The following SBF2 variants were observed in gnomAD, a reference collection of about 807,000 sequenced individuals.
The protein encoded by SBF2 is myotubularin-related protein 13.
SBF2 carries 112 observed loss-of-function variants against 225.2 expected under a neutral mutation model. That is an observed-to-expected ratio of 0.50 (90% confidence interval 0.43 to 0.58). The LOEUF (loss-of-function observed/expected upper bound fraction) is 0.58, where lower values mean the gene tolerates loss of function less well. Among genes scored for constraint, SBF2 ranks in the 20% least tolerant of loss-of-function variants. The pLI is 0.00. For missense variants in SBF2, 1,996 were observed against 2,206.2 expected, an observed-to-expected ratio of 0.90 and a Z score of 1.91; for synonymous variants, 763 against 773.3, an observed-to-expected ratio of 0.99 and a Z score of 0.22.
At chr11:9,845,443 TG>T in intron 24 of SBF2, 121 bp downstream of exon 24, 1 of 932,174 alleles carries the variant, frequency 1.1e-6, no homozygotes, top group Admixed American at 2.0e-5. Context: ...CCCATGGGCT[TG>T]ACAGAAACAG....
intron 2 of SBF2, among the ~76,000 whole-genome samples, chr11:10,050,679 G>A (rs1163338762): frequency 6.6e-6 from 1 of 152,084 alleles, no homozygotes; most frequent in East Asian, 1.9e-4. Context: ...TAAACATTGT[G>A]ACATAGCTAT....
intron 1 of SBF2, among the ~76,000 whole-genome samples, chr11:10,210,688 G>A (rs1957907697): frequency 1.3e-5 from 2 of 152,094 alleles, no homozygotes; most frequent in South Asian, 4.1e-4. Context: ...AACCATGGGT[G>A]TGGGGTTGTG....
intron 18 of SBF2, among the ~76,000 whole-genome samples, 195 bp from the exon 19 acceptor site, chr11:9,856,915 G>A (rs1453664171): frequency 2.6e-5 from 4 of 151,284 alleles, no homozygotes; most frequent in African/African-American, 9.7e-5. Context: ...AGCCTCCCGA[G>A]TAGCTGGGAC....
chr11:9,872,289 G>A (rs949425171), intron 17 of SBF2, among the ~76,000 whole-genome samples: 1 of 152,186 alleles, frequency 6.6e-6, no homozygotes. Context: ...GGACACATAG[G>A]GAAGAACAAC....
At chr11:10,210,679 A>T (rs1288140468) in intron 1 of SBF2, among the ~76,000 whole-genome samples, 1 of 152,012 alleles carries the variant, frequency 6.6e-6, no homozygotes, top group African/African-American at 2.4e-5. Flanking sequence ...CAGGAATAAA[A>T]CCATGGGTGT....
chr11:9,830,749 A>C (rs922452463), intron 27 of SBF2, among the ~76,000 whole-genome samples: 11 of 151,484 alleles, frequency 7.3e-5, no homozygotes, highest in Non-Finnish European at 4.4e-5. Context: ...CAAAAACAAA[A>C]AAAAAAAAAC....
chr11:10,082,571 A>G (rs2134873189), intron 2 of SBF2, among the ~76,000 whole-genome samples: 1 of 152,310 alleles, frequency 6.6e-6, no homozygotes, highest in South Asian at 2.1e-4. Flanking sequence ...GGATGCAAAA[A>G]TGGCTCAATA....
intron 16 of SBF2, among the ~76,000 whole-genome samples, chr11:9,904,524 C>T (rs1861971289): frequency 6.6e-6 from 1 of 152,116 alleles, no homozygotes; most frequent in Non-Finnish European, 1.5e-5. Flanking sequence ...TAATATACCT[C>T]TCTCAGTAAC....
At chr11:10,299,155 G>A (rs1446279944), upstream of SBF2, among the ~76,000 whole-genome samples, 1 of 151,964 alleles carries the variant, frequency 6.6e-6, no homozygotes, top group African/African-American at 2.4e-5. Flanking sequence ...TGGCTAACAC[G>A]GTGAAACCCT....
intron 1 of SBF2, among the ~76,000 whole-genome samples, chr11:10,207,924 A>T (rs1957800306): frequency 6.6e-6 from 1 of 152,166 alleles, no homozygotes; most frequent in Non-Finnish European, 1.5e-5. Context: ...ACAAGGGCCT[A>T]TTAAAACACC....
At chr11:10,019,979 T>C (rs796783120) in intron 6 of SBF2, among the ~76,000 whole-genome samples, 8 of 152,276 alleles carry the variant, frequency 5.3e-5, no homozygotes, top group African/African-American at 1.9e-4. Context: ...AATGTTCTTA[T>C]TGTTATAGTA....
At chr11:10,227,974 G>C (rs542747879) in intron 1 of SBF2, among the ~76,000 whole-genome samples, 8 of 151,258 alleles carry the variant, frequency 5.3e-5, no homozygotes, top group Non-Finnish European at 8.8e-5. Context: ...TCTTCCATTT[G>C]TTTGTATCCT....
intron 1 of SBF2, 85 bp downstream of exon 1, chr11:10,293,930 T>TACGCCCGG: frequency 9.6e-7 from 1 of 1,037,332 alleles, no homozygotes; most frequent in Non-Finnish European, 1.2e-6. Context: ...CCGACGCCCG[T>TACGCCCGG]CCCCGACGCC....
chr11:10,268,551 A>G (rs945373139), intron 1 of SBF2, among the ~76,000 whole-genome samples: 2 of 152,194 alleles, frequency 1.3e-5, no homozygotes, highest in African/African-American at 2.4e-5. Context: ...AACAACACAA[A>G]TTCTTTCTCC....
At chr11:9,852,473 T>C (rs1438748165) in intron 21 of SBF2, among the ~76,000 whole-genome samples, 1 of 152,226 alleles carries the variant, frequency 6.6e-6, no homozygotes, top group Non-Finnish European at 1.5e-5. Context: ...CTTTGTTGAA[T>C]CTAAGAAAAG....
At chr11:10,058,303 T>C (rs1253977629) in intron 2 of SBF2, among the ~76,000 whole-genome samples, 1 of 152,040 alleles carries the variant, frequency 6.6e-6, no homozygotes, top group Non-Finnish European at 1.5e-5. Flanking sequence ...ACAAAATAGC[T>C]AGTATGAAAA....
At chr11:9,871,243 T>C (rs916978535) in intron 17 of SBF2, among the ~76,000 whole-genome samples, 6 of 151,712 alleles carry the variant, frequency 4.0e-5, no homozygotes, top group Non-Finnish European at 8.8e-5. Context: ...TTGCAATCTA[T>C]CCATCTGACG....
intron 1 of SBF2, among the ~76,000 whole-genome samples, chr11:10,278,995 T>G (rs2135554981): frequency 6.8e-6 from 1 of 147,588 alleles, no homozygotes; most frequent in African/African-American, 2.5e-5. Flanking sequence ...GCGCTTTGGG[T>G]GGCCGAGGTG....
intron 1 of SBF2, among the ~76,000 whole-genome samples, chr11:10,241,226 G>A (rs1334929789): frequency 1.3e-5 from 2 of 152,106 alleles, no homozygotes; most frequent in Non-Finnish European, 2.9e-5. Context: ...GGTGGCACAC[G>A]CCTGTACTCC....
Sources: allele counts gnomAD v4.1 joint callset (sites outside exome capture counted in the v4.1 genomes callset), GRCh38; gene constraint gnomAD v4.1.1; transcripts MANE v1.5; gene names NCBI Gene and HGNC (gene_info 2026-07-23, HGNC 2026-07-21).